DPP10: variants seen among roughly 807,000 people sequenced by gnomAD.
DPP10 encodes the protein dipeptidyl peptidase like 10, also known as inactive dipeptidyl peptidase 10.
A neutral mutation model predicts 120.9 loss-of-function variants in DPP10; 33 were observed. The observed-to-expected ratio is 0.27, with a 90% CI of 0.21 to 0.37. The LOEUF is 0.37. Among genes scored for constraint, DPP10 ranks in the 10% least tolerant of loss-of-function variants. The pLI, the probability that DPP10 is intolerant of heterozygous loss-of-function variation, is 1.00. For synonymous variants in DPP10, 337 were observed against 326.1 expected (o/e 1.03, Z -0.36); for missense variants, 816 against 942.8 (o/e 0.87, Z 1.76).
intron 12 of DPP10, among the ~76,000 whole-genome samples, chr2:115,767,116 C>T (rs1246251210): frequency 6.6e-6 from 1 of 152,058 alleles, no homozygotes; most frequent in East Asian, 1.9e-4. Context: ...AATAAGGAAA[C>T]ACCTTATTGA....
chr2:115,417,839 G>T (rs1187707121), intron 3 of DPP10, among the ~76,000 whole-genome samples: 1 of 152,116 alleles, frequency 6.6e-6, no homozygotes, highest in Non-Finnish European at 1.5e-5. Context: ...CATGCCATTG[G>T]TCTATTTTTA....
chr2:114,515,331 ATC>A (rs1684506468), intron 1 of DPP10, among the ~76,000 whole-genome samples: 1 of 152,178 alleles, frequency 6.6e-6, no homozygotes, highest in African/African-American at 2.4e-5. Flanking sequence ...ATACCCTAGA[ATC>A]TCTCTGCAGC....
chr2:114,872,869 G>T (rs1053662863), intron 1 of DPP10, among the ~76,000 whole-genome samples: 3 of 151,970 alleles, frequency 2.0e-5, no homozygotes, highest in Non-Finnish European at 4.4e-5. Flanking sequence ...AAATACCAAG[G>T]GTCCTACATA....
chr2:114,560,321 T>G (rs1405372958), intron 1 of DPP10, among the ~76,000 whole-genome samples: 2 of 152,136 alleles, frequency 1.3e-5, no homozygotes, highest in South Asian at 2.1e-4. Flanking sequence ...CACTATAATT[T>G]TTTTTAAATA....
intron 1 of DPP10, among the ~76,000 whole-genome samples, chr2:114,682,958 A>T (rs992348856): frequency 2.6e-5 from 4 of 151,972 alleles, no homozygotes. Flanking sequence ...TCTTCAGGTC[A>T]TGTTCCAGTA....
chr2:114,555,179 T>C (rs971088693), intron 1 of DPP10, among the ~76,000 whole-genome samples: 1 of 152,258 alleles, frequency 6.6e-6, no homozygotes. Flanking sequence ...CAGAATACAA[T>C]AGTGATGTGT....
rs35721835 is a variant in DPP10, at chr2:115,400,478, T to TAAA, written c.271+56578_271+56580dup. On this transcript the variant is annotated intron_variant, in intron 3 of 25. Coordinates refer to ENST00000410059, the MANE Select transcript of DPP10 (RefSeq NM_020868.6). ...TACAATCATGATATCTACCCATAAG[T>TAAA]AAAAAAAAAAAAAATCTTCAGTTCA... Among the ~76,000 whole-genome samples the TAAA allele has an allele frequency of 2.4e-3, 346 of 147,126 alleles. 2 individuals carry two copies. The highest frequency in any genetic ancestry group is 3.5e-3 in the Non-Finnish European group (237 of 66,904).
chr2:114,463,610 G>A (rs936731055), intron 1 of DPP10, among the ~76,000 whole-genome samples: 1 of 152,006 alleles, frequency 6.6e-6, no homozygotes, highest in East Asian at 1.9e-4. Flanking sequence ...TCTTTTTGTC[G>A]AAGTGTGCAT....
chr2:115,834,556 C>G (rs1331453545), intron 21 of DPP10, among the ~76,000 whole-genome samples: 1 of 150,748 alleles, frequency 6.6e-6, no homozygotes, highest in African/African-American at 2.4e-5. Context: ...TGGAACTTTT[C>G]TAGTCAGATC....
intron 3 of DPP10, among the ~76,000 whole-genome samples, chr2:115,490,775 T>C (rs917918315): frequency 6.6e-5 from 10 of 152,172 alleles, no homozygotes; most frequent in Non-Finnish European, 1.5e-4. Flanking sequence ...TGCAAGATAG[T>C]ATTAAAAAAT....
rs556096966 is a variant in DPP10 at position 114,460,342 on chromosome 2, TACTG to T, written c.60+17508_60+17511del. ...AATCCTTTCTTGTGTTTTGGTATAG[TACTG>T]ACTTTTTATAATCTATAGACATTTT... On this transcript the variant is annotated intron_variant, in intron 1 of 25. Transcript: ENST00000410059. Among the ~76,000 whole-genome samples, 192 of 152,298 alleles carry T rather than the reference TACTG, an allele frequency of 1.3e-3. 1 individual carries two copies. The highest frequency in any genetic ancestry group is 6.8e-3 in the Middle Eastern group (2 of 294).
intron 5 of DPP10, among the ~76,000 whole-genome samples, chr2:115,640,252 C>T (rs1003739389): frequency 6.6e-6 from 1 of 151,878 alleles, no homozygotes; most frequent in Non-Finnish European, 1.5e-5. Context: ...CCAACATTCC[C>T]CCAAATAAAA....
At chr2:115,269,895 C>T (rs950779208) in intron 1 of DPP10, among the ~76,000 whole-genome samples, 3 of 152,062 alleles carry the variant, frequency 2.0e-5, no homozygotes, top group Non-Finnish European at 4.4e-5. Flanking sequence ...CATTGTATTT[C>T]TCTTTAATTT....
chr2:114,965,983 AAAAAGAAAAAAAAAG>A (rs1699002278), intron 1 of DPP10, among the ~76,000 whole-genome samples: 2 of 146,600 alleles, frequency 1.4e-5, no homozygotes, highest in Admixed American at 1.3e-4. Context: ...AAAAAAAAAA[AAAAAGAAAAAAAAAG>A]AAAAAGAAAG....
intron 5 of DPP10, among the ~76,000 whole-genome samples, chr2:115,539,939 T>C (rs754954805): frequency 2.0e-5 from 3 of 151,912 alleles, no homozygotes; most frequent in Non-Finnish European, 4.4e-5. Flanking sequence ...TTATACTAAT[T>C]AATTTTCAAT....
At chr2:115,402,312 C>T (rs950181272) in intron 3 of DPP10, among the ~76,000 whole-genome samples, 2 of 152,032 alleles carry the variant, frequency 1.3e-5, no homozygotes, top group African/African-American at 4.8e-5. Context: ...ATTGGGATTA[C>T]AAGCAGGGGT....
In DPP10 at chr2:114,443,050, C is replaced by CT. The variant is rs112562580; in HGVS notation, c.60+225dup. 8.5e-3 allele frequency among the ~76,000 whole-genome samples: 1,219 copies of CT among 144,228 alleles called. 9 individuals carry two copies. The highest frequency in any genetic ancestry group is 0.028 in the East Asian group (138 of 4,982). 94.6% of individuals were successfully genotyped at this position (144,228 alleles called of 152,430 possible). A position where few individuals can be genotyped will look rare whatever the true frequency, so the allele number is the denominator to read the frequency against. On this transcript the variant is annotated intron_variant, in intron 1 of 25. Coordinates refer to ENST00000410059, the MANE Select transcript of DPP10 (RefSeq NM_020868.6). ...CTGAACACTTCTTTCATCTTCATGA[C>CT]TTTTTTTTTTTTTACTGAGAATCTA...
chr2:114,701,344 A>G (rs551547107), intron 1 of DPP10, among the ~76,000 whole-genome samples: 3 of 152,200 alleles, frequency 2.0e-5, no homozygotes, highest in Non-Finnish European at 2.9e-5. Context: ...TGCAGAGAGT[A>G]TGTACATCAT....
chr2:115,412,494 C>G (rs1286059967), intron 3 of DPP10, among the ~76,000 whole-genome samples: 2 of 152,104 alleles, frequency 1.3e-5, no homozygotes, highest in East Asian at 3.9e-4. Context: ...GAAGGTTCAT[C>G]GAAATTTAAA....
Sources: allele counts gnomAD v4.1 joint callset (sites outside exome capture counted in the v4.1 genomes callset), GRCh38; gene constraint gnomAD v4.1.1; transcripts MANE v1.5; gene names NCBI Gene and HGNC (gene_info 2026-07-23, HGNC 2026-07-21).